The following HVCN1 variants were observed in gnomAD, a reference collection of about 807,000 sequenced individuals.
HVCN1 encodes voltage-gated hydrogen channel 1.
Under a neutral mutation model 29.2 loss-of-function variants are expected in HVCN1, and 14 were observed. The ratio of observed to expected loss-of-function variants is 0.48; its 90% CI spans 0.32 to 0.75. HVCN1 has a LOEUF of 0.75. Ranked by LOEUF, HVCN1 falls within the 30% of genes least tolerant of loss-of-function variation. The pLI is 0.04. For synonymous variants in HVCN1, 131 were observed against 133.2 expected, an observed-to-expected ratio of 0.98 and a Z score of 0.11; for missense variants, 263 against 341.8, an observed-to-expected ratio of 0.77 and a Z score of 1.82.
intron 3 of HVCN1, among the ~76,000 whole-genome samples, chr12:110,665,475 G>T (rs930841298): frequency 6.6e-6 from 1 of 151,126 alleles, no homozygotes; most frequent in African/African-American, 2.4e-5. Flanking sequence ...AGAATTGCTC[G>T]AACCTGGGAA....
upstream of HVCN1, among the ~76,000 whole-genome samples, chr12:110,692,323 C>T (rs556946176): frequency 3.9e-5 from 6 of 152,334 alleles, no homozygotes; most frequent in African/African-American, 1.4e-4. Flanking sequence ...ACGTGACCAC[C>T]TACTGTGTGG....
At chr12:110,675,970 T>TA (rs2068740111) in intron 3 of HVCN1, among the ~76,000 whole-genome samples, 1 of 152,170 alleles carries the variant, frequency 6.6e-6, no homozygotes, top group Non-Finnish European at 1.5e-5. Flanking sequence ...GATGCAGTCT[T>TA]ACCTCCCTTA....
In HVCN1 at chr12:110,696,555, A is replaced by G. The variant is rs533456111; in HGVS notation, c.-104+5754T>C. 1.1e-3 allele frequency among the ~76,000 whole-genome samples: 169 copies of G among 152,144 alleles called. 1 individual carries two copies. The South Asian group carries it at 0.014, about 12-fold the overall frequency. On this transcript the variant is annotated intron_variant, in intron 2 of 4. Transcript: ENST00000546713. ...CATAGCAAGACCCCATCTCTAAGAA[A>G]AAAAAAAAGGAAACCCTGTACCCAT...
At chr12:110,697,475 C>A (rs1430916866) in intron 2 of HVCN1, among the ~76,000 whole-genome samples, 1 of 151,754 alleles carries the variant, frequency 6.6e-6, no homozygotes, top group Non-Finnish European at 1.5e-5. Context: ...GGGTGAACAG[C>A]GCAGAGAGGG....
intron 3 of HVCN1, among the ~76,000 whole-genome samples, chr12:110,662,573 C>T (rs777389202): frequency 1.4e-4 from 21 of 152,242 alleles, no homozygotes; most frequent in Middle Eastern, 3.4e-3. Flanking sequence ...GGTATAGTGG[C>T]GCATGCCTGT....
intron 3 of HVCN1, among the ~76,000 whole-genome samples, chr12:110,680,414 C>T (rs2068920869): frequency 6.6e-6 from 1 of 152,028 alleles, no homozygotes; most frequent in African/African-American, 2.4e-5. Flanking sequence ...TCATTTGGAA[C>T]CCCCAGACTC....
chr12:110,660,104 C>T (rs553783211), intron 4 of HVCN1, among the ~76,000 whole-genome samples: 31 of 146,378 alleles, frequency 2.1e-4, no homozygotes, highest in African/African-American at 7.1e-4. Flanking sequence ...TGGCCGGGCA[C>T]GGTGGCTAAT....
At chr12:110,701,877 AG>A (rs2136516173) in intron 2 of HVCN1, among the ~76,000 whole-genome samples, 1 of 147,364 alleles carries the variant, frequency 6.8e-6, no homozygotes, top group African/African-American at 2.6e-5. Flanking sequence ...CAAAACAACA[AG>A]AACAAAACAA....
At chr12:110,670,167 A>G (rs1240744839) in intron 3 of HVCN1, among the ~76,000 whole-genome samples, 3 of 152,246 alleles carry the variant, frequency 2.0e-5, no homozygotes, top group African/African-American at 7.2e-5. Context: ...GGGAAAGTGA[A>G]AAAGACAGAC....
intron 2 of HVCN1, among the ~76,000 whole-genome samples, chr12:110,697,690 G>A (rs1405474660): frequency 2.1e-5 from 3 of 142,546 alleles, no homozygotes; most frequent in South Asian, 2.2e-4. Flanking sequence ...TTGCTATGTC[G>A]CCCAGGCTGC....
chr12:110,684,157 G>A (rs2069094895), intron 2 of HVCN1, among the ~76,000 whole-genome samples: 1 of 151,858 alleles, frequency 6.6e-6, no homozygotes, highest in Non-Finnish European at 1.5e-5. Flanking sequence ...TGGATTAGGG[G>A]GTTTCCTTTT....
Position 110,649,348 on chromosome 12 carries a change from C to G in HVCN1, c.*62G>C. The G allele has an allele frequency of 7.4e-7, 1 of 1,359,950 alleles. No homozygotes were observed. The highest frequency in any genetic ancestry group is 1.0e-6 in the Non-Finnish European group (1 of 958,676). The allele number at this position is 1,359,950 out of a possible 1,614,324, so 84.2% of individuals were successfully genotyped here. On this transcript the variant is annotated 3_prime_UTR_variant, in exon 8 of 8. Coordinates refer to ENST00000242607, the MANE Select transcript of HVCN1 (RefSeq NM_032369.4). ...AAGCGGCCCAGGAGGGGCAGCTGTT[C>G]CTCTCGTGACAGCACAGGCCCATGA...
chr12:110,679,859 CAAA>C (rs370385245), intron 3 of HVCN1, among the ~76,000 whole-genome samples: 7 of 88,188 alleles, frequency 7.9e-5, no homozygotes, highest in Admixed American at 1.3e-4. Context: ...GACTCCGTCT[CAAA>C]AAAAAAAAAA....
chr12:110,700,704 C>T (rs1318521831), intron 2 of HVCN1, among the ~76,000 whole-genome samples: 4 of 152,152 alleles, frequency 2.6e-5, no homozygotes, highest in African/African-American at 4.8e-5. Flanking sequence ...GTGATCCTCC[C>T]GCCTCAGCCT....
chr12:110,683,076 C>T (rs991251867), intron 3 of HVCN1, 149 bp downstream of exon 3: 13 of 1,084,350 alleles, frequency 1.2e-5, no homozygotes, highest in Non-Finnish European at 1.7e-5. Flanking sequence ...AGTCCTTTTA[C>T]AGCTTTTCAT....
intron 3 of HVCN1, among the ~76,000 whole-genome samples, chr12:110,669,015 T>C (rs917161837): frequency 6.6e-6 from 1 of 151,432 alleles, no homozygotes; most frequent in Non-Finnish European, 1.5e-5. Context: ...TTGGGGGCCT[T>C]AGCACAGCTG....
At chr12:110,681,738 G>T (rs2068981614) in intron 3 of HVCN1, among the ~76,000 whole-genome samples, 1 of 152,034 alleles carries the variant, frequency 6.6e-6, no homozygotes. Context: ...CACCCCTGCT[G>T]CTGCCCTGAG....
At chr12:110,686,612 G>T (rs1002167629) in intron 2 of HVCN1, among the ~76,000 whole-genome samples, 1 of 152,156 alleles carries the variant, frequency 6.6e-6, no homozygotes, top group African/African-American at 2.4e-5. Flanking sequence ...TAGCACACAC[G>T]CAGAGGAACA....
At chr12:110,665,174 A>T (rs1227419995) in intron 3 of HVCN1, among the ~76,000 whole-genome samples, 1 of 152,238 alleles carries the variant, frequency 6.6e-6, no homozygotes, top group Non-Finnish European at 1.5e-5. Flanking sequence ...TCAACATCAT[A>T]GATGCATACT....
Sources: allele counts gnomAD v4.1 joint callset (sites outside exome capture counted in the v4.1 genomes callset), GRCh38; gene constraint gnomAD v4.1.1; transcripts MANE v1.5; gene names NCBI Gene and HGNC (gene_info 2026-07-23, HGNC 2026-07-21).